The following SHISA9 variants were observed in gnomAD, a reference collection of about 807,000 sequenced individuals.
SHISA9 encodes the protein protein shisa-9.
Under a neutral mutation model 38.0 loss-of-function variants are expected in SHISA9, and 13 were observed. The observed-to-expected ratio is 0.34, with a 90% CI of 0.22 to 0.54. SHISA9 has a LOEUF of 0.54. Among genes scored for constraint, SHISA9 ranks in the 20% least tolerant of loss-of-function variants. The pLI is 0.91. For missense variants in SHISA9, 538 were observed against 575.8 expected (o/e 0.93, Z 0.67); for synonymous variants, 275 against 242.0 (o/e 1.14, Z -1.27).
At chr16:13,314,524 A>G in the SHISA9 span, among the ~76,000 whole-genome samples, 3 of 152,066 alleles carry the variant, frequency 2.0e-5, no homozygotes, top group South Asian at 6.2e-4. Flanking sequence ...ACAGTCATGA[A>G]CCACCACGCC....
At chr16:12,924,012 G>A (rs2071363482) in intron 2 of SHISA9, among the ~76,000 whole-genome samples, 1 of 152,046 alleles carries the variant, frequency 6.6e-6, no homozygotes, top group African/African-American at 2.4e-5. Flanking sequence ...ACTTCAGGAG[G>A]TAGACTGAGA....
chr16:13,217,863 C>A (rs1327126510), intron 4 of SHISA9, among the ~76,000 whole-genome samples: 1 of 152,072 alleles, frequency 6.6e-6, no homozygotes, highest in East Asian at 1.9e-4. Context: ...AACCTCATCT[C>A]TACTAAAAAT....
the SHISA9 span, among the ~76,000 whole-genome samples, chr16:13,367,296 T>G: frequency 1.3e-5 from 2 of 149,024 alleles, no homozygotes; most frequent in East Asian, 3.9e-4. Flanking sequence ...GTCCCCATTA[T>G]GTTGGAGTCT....
At chr16:13,300,044 A>G in the SHISA9 span, among the ~76,000 whole-genome samples, 11 of 152,202 alleles carry the variant, frequency 7.2e-5, no homozygotes, top group South Asian at 1.9e-3. Flanking sequence ...AACTCCCCCT[A>G]TTTCAAAGTA....
At chr16:13,049,006 A>G (rs1292845209) in intron 2 of SHISA9, among the ~76,000 whole-genome samples, 1 of 152,198 alleles carries the variant, frequency 6.6e-6, no homozygotes, top group African/African-American at 2.4e-5. Flanking sequence ...TTCAAGAAAC[A>G]TTTCTGGTCC....
chr16:13,349,113 A>T, the SHISA9 span, among the ~76,000 whole-genome samples: 1 of 152,192 alleles, frequency 6.6e-6, no homozygotes, highest in South Asian at 2.1e-4. Flanking sequence ...AACCAAAGAG[A>T]TAGACAAGAG....
the SHISA9 span, among the ~76,000 whole-genome samples, chr16:13,491,816 AC>A: frequency 5.5e-3 from 71 of 12,854 alleles, 7 homozygotes; most frequent in Non-Finnish European, 7.1e-3. Flanking sequence ...TTATTTATTG[AC>A]CTTTTTTTTT....
the SHISA9 span, among the ~76,000 whole-genome samples, chr16:13,420,275 G>GT: frequency 1.5e-5 from 1 of 67,698 alleles, no homozygotes; most frequent in African/African-American, 5.1e-5. Context: ...AAAAAAAAAG[G>GT]TTTTTTGCTC....
At chr16:13,366,669 C>G in the SHISA9 span, among the ~76,000 whole-genome samples, 3 of 151,584 alleles carry the variant, frequency 2.0e-5, no homozygotes, top group Non-Finnish European at 2.9e-5. Context: ...ATAGTGAGAC[C>G]CTGTCTCTAC....
At chr16:12,964,030 G>A (rs916964690) in intron 2 of SHISA9, among the ~76,000 whole-genome samples, 6 of 152,224 alleles carry the variant, frequency 3.9e-5, no homozygotes, top group African/African-American at 1.4e-4. Flanking sequence ...AAGTGCTACT[G>A]CTTACAGACT....
chr16:13,383,067 A>T, the SHISA9 span, among the ~76,000 whole-genome samples: 15 of 152,212 alleles, frequency 9.9e-5, no homozygotes, highest in African/African-American at 2.7e-4. Flanking sequence ...CATCACCCTC[A>T]TGGAACTTAC....
chr16:13,206,195 C>T lies in SHISA9; in HGVS notation c.847+2646C>T, dbSNP rs1455730706. ...TGGAATCCCATTTATTGGTAGAGGT[C>T]TTCTACTCTTTAGTTATTCATAAAA... is the stretch of plus-strand genomic sequence containing the variant. On this transcript the variant is annotated intron_variant, in intron 3 of 4. Transcript: ENST00000558583. 4.6e-5 allele frequency among the ~76,000 whole-genome samples: 7 copies of T among 152,194 alleles called. No individual in the cohort carries two copies. In the East Asian group the frequency reaches 1.4e-3, roughly 29 times the overall value.
chr16:13,499,362 A>G, the SHISA9 span, among the ~76,000 whole-genome samples: 11 of 152,358 alleles, frequency 7.2e-5, no homozygotes, highest in African/African-American at 2.2e-4. Context: ...TAGTATGCAG[A>G]TTCTAAAAGC....
At chr16:13,281,997 A>G in the SHISA9 span, among the ~76,000 whole-genome samples, 1 of 152,002 alleles carries the variant, frequency 6.6e-6, no homozygotes, top group Non-Finnish European at 1.5e-5. Context: ...CAGTGCTAAG[A>G]GATGTTAACT....
chr16:13,457,961 C>CT, the SHISA9 span, among the ~76,000 whole-genome samples: 2 of 151,698 alleles, frequency 1.3e-5, no homozygotes, highest in Non-Finnish European at 2.9e-5. Context: ...TCCTTCCTTC[C>CT]TTTCTTCCTC....
At chr16:13,002,271 A>C (rs2072535127) in intron 2 of SHISA9, among the ~76,000 whole-genome samples, 3 of 152,214 alleles carry the variant, frequency 2.0e-5, no homozygotes, top group Admixed American at 1.3e-4. Flanking sequence ...GCTTGTAAAC[A>C]CCACACTCTA....
chr16:13,433,193 C>T, the SHISA9 span, among the ~76,000 whole-genome samples: 1 of 151,678 alleles, frequency 6.6e-6, no homozygotes, highest in Non-Finnish European at 1.5e-5. Context: ...CTAGAAAAAT[C>T]AGTAGTGCAG....
At chr16:13,496,332 G>A in the SHISA9 span, among the ~76,000 whole-genome samples, 1 of 152,082 alleles carries the variant, frequency 6.6e-6, no homozygotes, top group Non-Finnish European at 1.5e-5. Context: ...AGGTAATGAG[G>A]TAATCATAAT....
At chr16:13,522,404 C>T in the SHISA9 span, among the ~76,000 whole-genome samples, 2 of 152,086 alleles carry the variant, frequency 1.3e-5, no homozygotes. Flanking sequence ...TCGGCCCCTC[C>T]CCCTCAGTGG....
Sources: gnomAD v4.1 joint callset for allele counts (sites outside exome capture counted in the v4.1 genomes callset) on GRCh38, gnomAD v4.1.1 for gene constraint, MANE v1.5 for transcripts, NCBI Gene and HGNC (gene_info 2026-07-23, HGNC 2026-07-21) for gene names.